The following PCDHGB7 variants were observed in gnomAD, a reference collection of about 807,000 sequenced individuals.
PCDHGB7 encodes protocadherin gamma-B7.
PCDHGB7 carries 37 observed loss-of-function variants against 61.4 expected under a neutral mutation model. That is an observed-to-expected ratio of 0.60 (90% confidence interval 0.46 to 0.79). The LOEUF is 0.79. Ranked by LOEUF, PCDHGB7 falls within the 30% of genes least tolerant of loss-of-function variation. PCDHGB7 has a pLI of 0.00. For synonymous variants in PCDHGB7, 464 were observed against 503.5 expected (o/e 0.92, Z 1.05); for missense variants, 1,166 against 1,202.5 (o/e 0.97, Z 0.45).
At chr5:141,448,808 G>C (rs2098608218) in intron 1 of PCDHGB7, among the ~76,000 whole-genome samples, 2 of 152,080 alleles carry the variant, frequency 1.3e-5, no homozygotes, top group Admixed American at 1.3e-4. Flanking sequence ...AGCCAGGCGT[G>C]ATGGCGGGCG....
rs190955361 is a variant in PCDHGB7, at chr5:141,486,090, G to A, written c.2416-8717G>A. On this transcript the variant is annotated intron_variant, in intron 1 of 3. Transcript: ENST00000398594. The surrounding 1 kb of genome is among the most constrained non-coding windows in gnomAD (Gnocchi z 5.0). ...ACTACTGGAAAGCTTACTCTTTTGG[G>A]GCCCCTAGACTTTGAGAGTGAGAAT... 3 of 1,614,086 alleles carry A rather than the reference G, an allele frequency of 1.9e-6. No homozygotes were observed. The highest frequency in any genetic ancestry group is 1.6e-4 in the Middle Eastern group (1 of 6,062).
Position 141,418,372 on chromosome 5 carries a change from A to G in PCDHGB7, c.513A>G (p.Gln171=), listed in dbSNP as rs771262387. ...DISMNSLSKY[Q]LSPNEYFSLV... ...GTATGAATTCGCTGAGCAAATACCAACTAAGTCCTAACGAGTATTTCTCAT... is the reference window on the plus strand; with the variant it reads ...GTATGAATTCGCTGAGCAAATACCAGCTAAGTCCTAACGAGTATTTCTCAT... The change falls in exon 1 of 4, where the codon CAA becomes CAG. Residue 171 remains glutamine, a synonymous_variant. Coordinates refer to ENST00000398594, the MANE Select transcript of PCDHGB7 (RefSeq NM_018927.4). The G allele has an allele frequency of 3.1e-6, 5 of 1,613,968 alleles. No individual in the cohort carries two copies. The highest frequency in any genetic ancestry group is 3.4e-6 in the Non-Finnish European group (4 of 1,179,880).
At position 141,494,934 on chromosome 5, in the gene PCDHGB7, T is replaced by C. The variant is rs2099757666; in HGVS notation, c.2474+69T>C. On this transcript the variant is annotated intron_variant, in intron 2 of 3. Transcript: ENST00000398594. ...TTCTCAGGGATGACGTGGGAGGAGA[T>C]GGGGGAGGGCCCAGCATTTGCTACA... 5.6e-6 allele frequency: 9 copies of C among 1,612,736 alleles called. No individual in the cohort carries two copies. The South Asian group carries it at 7.7e-5, about 14-fold the overall frequency.
At chr5:141,460,043 A>G (rs527752346) in intron 1 of PCDHGB7, among the ~76,000 whole-genome samples, 1 of 152,276 alleles carries the variant, frequency 6.6e-6, no homozygotes, top group South Asian at 2.1e-4. Context: ...GCACCACTGC[A>G]CTCCAGCCTG....
chr5:141,497,512 T>C (rs903352739), intron 2 of PCDHGB7, among the ~76,000 whole-genome samples: 2 of 151,896 alleles, frequency 1.3e-5, no homozygotes, highest in Admixed American at 1.3e-4. Flanking sequence ...TCTGCTTCCT[T>C]AGTTAACTTG....
chr5:141,419,785 G>T lies in PCDHGB7; in HGVS notation c.1926G>T (p.Leu642=). The T allele has an allele frequency of 1.2e-6, 2 of 1,614,052 alleles. No individual in the cohort carries two copies. The highest frequency in any genetic ancestry group is 1.7e-6 in the Non-Finnish European group (2 of 1,179,882). ...ACAAGGACTCGGTCCGCCAGCGCCT[G>T]CTAGTCGCTGTAAGAGATGGAGGAC... ...LGDKDSVRQR[L]LVAVRDGGQP... is the part of the protein sequence containing the mutation. Residue 642 remains leucine, a synonymous_variant, in exon 1 of 4, where the codon CTG becomes CTT. Coordinates refer to ENST00000398594, the MANE Select transcript of PCDHGB7 (RefSeq NM_018927.4).
chr5:141,418,513 G>A lies in PCDHGB7; in HGVS notation c.654G>A (p.Gly218=), dbSNP rs377653202. The A allele has an allele frequency of 6.2e-7, 1 of 1,613,960 alleles. No homozygotes were observed. Among genetic ancestry groups the A allele is most frequent in the Non-Finnish European group, 8.5e-7 (1 of 1,179,882 alleles). The change falls in exon 1 of 4, where the codon GGG becomes GGA. Residue 218 remains glycine, a synonymous_variant. Transcript: ENST00000398594. ...TGGTACTGACCGCCTTAGATGGTGGGGACCCTCCCCGAAGCGGTACTGCTC... is the reference window on the plus strand; with the variant it reads ...TGGTACTGACCGCCTTAGATGGTGGAGACCCTCCCCGAAGCGGTACTGCTC... ...HHLVLTALDG[G]DPPRSGTAQI...
At chr5:141,424,726 T>C (rs1041673348) in intron 1 of PCDHGB7, 7 of 152,218 alleles carry the variant, frequency 4.6e-5, no homozygotes, top group African/African-American at 4.8e-5. Context: ...TTGGGAGTCA[T>C]AGATTCCTTC....
intron 1 of PCDHGB7, among the ~76,000 whole-genome samples, chr5:141,466,008 G>C (rs1298363274): frequency 6.6e-6 from 1 of 151,970 alleles, no homozygotes; most frequent in Non-Finnish European, 1.5e-5. Flanking sequence ...TGTAGTCCCA[G>C]CTACTCGGGA....
chr5:141,479,521 T>A (rs4912607), intron 1 of PCDHGB7: 2 of 152,104 alleles, frequency 1.3e-5, no homozygotes, highest in Non-Finnish European at 2.9e-5. Context: ...CTGGCCCAGG[T>A]TGGAAGTGGA....
intron 1 of PCDHGB7, among the ~76,000 whole-genome samples, chr5:141,492,341 C>T (rs2099739551): frequency 6.6e-6 from 1 of 152,222 alleles, no homozygotes; most frequent in East Asian, 1.9e-4. Flanking sequence ...CGAATACCAG[C>T]TTTCACTGCC....
rs1423149 is a variant in PCDHGB7, at chr5:141,487,780, C to G, written c.2416-7027C>G. ...TAGACGCTGTGCTTTGTAACTGTTTCGTGAATTAACCAGAGTTGTCACAGT... is the reference window on the plus strand; with the variant it reads ...TAGACGCTGTGCTTTGTAACTGTTTGGTGAATTAACCAGAGTTGTCACAGT... On this transcript the variant is annotated intron_variant, in intron 1 of 3. Transcript: ENST00000398594. This position sits in a 1 kb window ranked among gnomAD's most constrained non-coding sequence, Gnocchi z 5.0. 6.6e-7 allele frequency: 1 copy of G among 1,526,704 alleles called. No individual in the cohort carries two copies. The allele number at this position is 1,526,704 out of a possible 1,614,324, so 94.6% of individuals were successfully genotyped here. A position where few individuals can be genotyped will look rare whatever the true frequency, so the allele number is the denominator to read the frequency against.
At position 141,493,841 on chromosome 5, in the gene PCDHGB7, T is replaced by C. The variant is rs774682943; in HGVS notation, c.2416-966T>C. On this transcript the variant is annotated intron_variant, in intron 1 of 3. Transcript: ENST00000398594. The surrounding 1 kb of genome is among the most constrained non-coding windows in gnomAD (Gnocchi z 4.3). ...CTCTGCTTCTGGGAGCAAGTATGAGTATTAATTACCAGCCCACCCCAGAAC... is the reference window on the plus strand; with the variant it reads ...CTCTGCTTCTGGGAGCAAGTATGAGCATTAATTACCAGCCCACCCCAGAAC... Among the ~76,000 whole-genome samples the C allele has an allele frequency of 3.3e-5, 5 of 152,140 alleles. No homozygotes were observed. In the East Asian group the frequency reaches 9.7e-4, roughly 29 times the overall value.
chr5:141,459,028 C>T (rs373532898), intron 1 of PCDHGB7, among the ~76,000 whole-genome samples: 1 of 152,202 alleles, frequency 6.6e-6, no homozygotes, highest in Non-Finnish European at 1.5e-5. Context: ...CCACCACATC[C>T]AGCCTTACCA....
At chr5:141,440,106 T>A (rs1288263875) in intron 1 of PCDHGB7, 1 of 152,228 alleles carries the variant, frequency 6.6e-6, no homozygotes, top group East Asian at 1.9e-4. Flanking sequence ...AGTGGAGACT[T>A]ACTTGTGAAT....
chr5:141,484,552 G>T (rs2099597743), intron 1 of PCDHGB7, among the ~76,000 whole-genome samples: 1 of 152,138 alleles, frequency 6.6e-6, no homozygotes, highest in African/African-American at 2.4e-5. Context: ...CTAATTAGCA[G>T]TTGCTCCAAT....
chr5:141,510,141 T>C (rs1596266322), intron 3 of PCDHGB7, among the ~76,000 whole-genome samples: 1 of 152,014 alleles, frequency 6.6e-6, no homozygotes. Flanking sequence ...GGGCTAGTGG[T>C]GTGCACCTGT....
At position 141,486,257 on chromosome 5, in the gene PCDHGB7, A is replaced by C; in HGVS notation, c.2416-8550A>C. 6.2e-7 allele frequency: 1 copy of C among 1,614,032 alleles called. No individual in the cohort carries two copies. The highest frequency in any genetic ancestry group is 8.5e-7 in the Non-Finnish European group (1 of 1,179,982). On this transcript the variant is annotated intron_variant, in intron 1 of 3. Transcript: ENST00000398594. The surrounding 1 kb of genome is among the most constrained non-coding windows in gnomAD (Gnocchi z 5.0). ...CTCAGAGCTTGGAACCCTCCCCGAG[A>C]GTGCAGAACCTGGCACTGTGGTGGC... is the stretch of plus-strand genomic sequence containing the variant.
intron 2 of PCDHGB7, among the ~76,000 whole-genome samples, chr5:141,499,016 GGAAGGAA>G (rs2099788564): frequency 7.0e-6 from 1 of 143,496 alleles, no homozygotes; most frequent in Non-Finnish European, 1.5e-5. Flanking sequence ...AAGGAAGGAA[GGAAGGAA>G]GGAAGAAAAG....
Sources: allele counts gnomAD v4.1 joint callset (sites outside exome capture counted in the v4.1 genomes callset), GRCh38; gene constraint gnomAD v4.1.1; non-coding constraint Gnocchi (gnomAD v3.1); transcripts MANE v1.5; gene names NCBI Gene and HGNC (gene_info 2026-07-23, HGNC 2026-07-21).